ETFB: variants seen among roughly 807,000 people sequenced by gnomAD.
ETFB encodes the protein electron transfer flavoprotein subunit beta.
ETFB carries 20 observed loss-of-function variants against 25.6 expected under a neutral mutation model. The ratio of observed to expected loss-of-function variants is 0.78; its 90% CI spans 0.55 to 1.14. The LOEUF (loss-of-function observed/expected upper bound fraction) is 1.14. ETFB is among the 50% of genes most tolerant of loss of function. ETFB has a pLI of 0.00. For synonymous variants in ETFB, 142 were observed against 146.7 expected (o/e 0.97, Z 0.23); for missense variants, 286 against 342.6 (o/e 0.83, Z 1.30).
intron 1 of ETFB, among the ~76,000 whole-genome samples, chr19:51,363,640 G>A (rs1986282248): frequency 6.6e-6 from 1 of 152,002 alleles, no homozygotes; most frequent in Non-Finnish European, 1.5e-5. Flanking sequence ...GGAGAGATGG[G>A]GTTTCACCAT....
intron 1 of ETFB, chr19:51,356,071 A>G (rs1465480844): frequency 1.3e-5 from 2 of 152,176 alleles, no homozygotes; most frequent in East Asian, 3.9e-4. Context: ...GTGCACATGT[A>G]TCCTAAAACT....
chr19:51,358,276 T>G (rs958035635), intron 1 of ETFB, among the ~76,000 whole-genome samples: 2 of 151,998 alleles, frequency 1.3e-5, no homozygotes, highest in African/African-American at 4.8e-5. Context: ...GTGTAACTGT[T>G]CCTCCCACAG....
intron 3 of ETFB, among the ~76,000 whole-genome samples, chr19:51,351,444 C>A (rs2123582854): frequency 6.6e-6 from 1 of 152,380 alleles, no homozygotes; most frequent in East Asian, 1.9e-4. Context: ...AGTTGTGAAT[C>A]TGCTTCCTAG....
chr19:51,356,509 C>T (rs1237598526), intron 1 of ETFB: 4 of 152,122 alleles, frequency 2.6e-5, no homozygotes, highest in Non-Finnish European at 5.9e-5. Flanking sequence ...GCTAAACAGA[C>T]AAGGGAGGTA....
chr19:51,350,989 G>A (rs1019546812), intron 3 of ETFB, among the ~76,000 whole-genome samples: 2 of 152,214 alleles, frequency 1.3e-5, no homozygotes, highest in African/African-American at 2.4e-5. Context: ...GGTCTAGAAC[G>A]ATCCCCTCAC....
At chr19:51,364,189 G>A in intron 1 of ETFB, among the ~76,000 whole-genome samples, 1 of 152,114 alleles carries the variant, frequency 6.6e-6, no homozygotes, top group Non-Finnish European at 1.5e-5. Context: ...AGAGACAATA[G>A]GGCAAGAAGG....
At chr19:51,349,901 C>T (rs1985890849) in intron 4 of ETFB, among the ~76,000 whole-genome samples, 1 of 152,150 alleles carries the variant, frequency 6.6e-6, no homozygotes, top group Admixed American at 6.5e-5. Context: ...CGCACGCCAC[C>T]ACACCCAGCT....
At position 51,345,333 on chromosome 19, in the gene ETFB, C is replaced by T. The variant is rs746160252; in HGVS notation, c.646G>A (p.Val216Met). ...ACAGAGAGCTTGGAGGTCAGGTCCA[C>T]ACCCAGGTCCCCAGGCTTGATCACC... ...IEVIKPGDLG[V>M]DLTSKLSVIS... is the part of the protein sequence containing the mutation. The change falls in exon 6 of 6, where the codon GTG (valine) becomes ATG (methionine). Residue 216 changes from valine to methionine, a missense_variant. Transcript: ENST00000309244. The T allele has an allele frequency of 5.0e-6, 8 of 1,613,976 alleles. No individual in the cohort carries two copies. The highest frequency in any genetic ancestry group is 2.7e-5 in the African/African-American group (2 of 74,860).
chr19:51,359,313 CTACCAAAGTGATGGGAT>C (rs1986163936), intron 1 of ETFB, among the ~76,000 whole-genome samples: 1 of 151,806 alleles, frequency 6.6e-6, no homozygotes, highest in East Asian at 1.9e-4. Context: ...CTGCTTCAGC[CTACCAAAGTGATGGGAT>C]TACAGGTGTG....
At chr19:51,354,626 G>A in intron 1 of ETFB, 1 of 1,613,800 alleles carries the variant, frequency 6.2e-7, no homozygotes, top group Non-Finnish European at 8.5e-7. Flanking sequence ...GTAACCCACA[G>A]TGAGAGGTAC....
intron 1 of ETFB, chr19:51,354,618 A>C (rs1986030617): frequency 6.2e-7 from 1 of 1,606,790 alleles, no homozygotes; most frequent in Non-Finnish European, 8.5e-7. Flanking sequence ...TATTTATGGT[A>C]ACCCACAGTG....
At chr19:51,362,498 C>G (rs1250929759) in intron 1 of ETFB, among the ~76,000 whole-genome samples, 1 of 152,118 alleles carries the variant, frequency 6.6e-6, no homozygotes. Context: ...TTGCTTGAAC[C>G]TGGGAAGTGG....
chr19:51,345,400 T>A lies in ETFB; in HGVS notation c.598-19A>T. On this transcript the variant is annotated intron_variant, in intron 5 of 5. Coordinates refer to ENST00000309244, the MANE Select transcript of ETFB (RefSeq NM_001985.3). Reference sequence around the variant, plus strand: ...TGGCTTTCTGCACATGGGAAGCCATTGTTCACAGGGCTGTGGAACTCCTGC... The same window carrying A: ...TGGCTTTCTGCACATGGGAAGCCATAGTTCACAGGGCTGTGGAACTCCTGC... The A allele has an allele frequency of 6.2e-7, 1 of 1,613,690 alleles. No individual in the cohort carries two copies. Among genetic ancestry groups the A allele is most frequent in the Non-Finnish European group, 8.5e-7 (1 of 1,179,616 alleles).
Position 51,345,184 on chromosome 19 carries a change from A to C in ETFB, c.*27T>G. ...TTAACAGAGATAGATGTTGAGAGTC[A>C]GTTTTATTGCCATCTCTGGGAGGGG... On this transcript the variant is annotated 3_prime_UTR_variant, in exon 6 of 6. Transcript: ENST00000309244. The C allele has an allele frequency of 6.2e-7, 1 of 1,610,996 alleles. No homozygotes were observed. Among genetic ancestry groups the C allele is most frequent in the Non-Finnish European group, 8.5e-7 (1 of 1,177,158 alleles).
chr19:51,352,891 G>T (rs1291781703), intron 3 of ETFB, among the ~76,000 whole-genome samples: 2 of 152,226 alleles, frequency 1.3e-5, no homozygotes, highest in African/African-American at 4.8e-5. Context: ...GCCTCCCAAA[G>T]TGCTGAGATT....
intron 4 of ETFB, 59 bp downstream of exon 4, chr19:51,350,270 A>G: frequency 6.4e-7 from 1 of 1,570,694 alleles, no homozygotes; most frequent in Non-Finnish European, 8.6e-7. Context: ...TTGAGGCAGA[A>G]ATGAAGTTTG....
At chr19:51,354,705 A>G (rs890336273) in intron 1 of ETFB, 23 of 1,588,120 alleles carry the variant, frequency 1.4e-5, no homozygotes, top group African/African-American at 2.7e-5. Context: ...TGAGGAGAAG[A>G]AAAGGAAAAA....
intron 3 of ETFB, 128 bp downstream of exon 3, chr19:51,353,004 C>T (rs1985965753): frequency 1.7e-6 from 2 of 1,175,536 alleles, no homozygotes; most frequent in African/African-American, 1.5e-5. Context: ...CAGCAAAGTC[C>T]CAAGCTGCTC....
chr19:51,355,405 C>T (rs1029379275), intron 1 of ETFB: 1 of 152,210 alleles, frequency 6.6e-6, no homozygotes, highest in Non-Finnish European at 1.5e-5. Context: ...CCGTCTCACA[C>T]CAGTTAGAAC....
Sources: gnomAD v4.1 joint callset for allele counts (sites outside exome capture counted in the v4.1 genomes callset) on GRCh38, gnomAD v4.1.1 for gene constraint, MANE v1.5 for transcripts, NCBI Gene and HGNC (gene_info 2026-07-23, HGNC 2026-07-21) for gene names.